WDR5: variants seen among roughly 807,000 people sequenced by gnomAD.
The protein encoded by WDR5 is WD repeat-containing protein 5.
For synonymous variants in WDR5, 144 were observed against 161.6 expected, an observed-to-expected ratio of 0.89 and a Z score of 0.83; for missense variants, 187 against 416.9, an observed-to-expected ratio of 0.45 and a Z score of 4.80.
At chr9:134,137,787 T>C (rs1010630609) in intron 1 of WDR5, among the ~76,000 whole-genome samples, 2 of 151,984 alleles carry the variant, frequency 1.3e-5, no homozygotes, top group African/African-American at 4.8e-5. Flanking sequence ...GGAGTTTCAC[T>C]GTTTGGCCCA....
At chr9:134,141,483 G>A in intron 3 of WDR5, 27 bp from the exon 4 acceptor site, 3 of 1,612,164 alleles carry the variant, frequency 1.9e-6, no homozygotes, top group Non-Finnish European at 2.5e-6. Context: ...CCTGCTCTTA[G>A]CCTCAGATCC....
At chr9:134,149,947 A>T (rs1044828348) in intron 8 of WDR5, among the ~76,000 whole-genome samples, 4 of 152,204 alleles carry the variant, frequency 2.6e-5, no homozygotes, top group African/African-American at 9.6e-5. Context: ...GTCACCGCTG[A>T]AGAGGCTGGA....
chr9:134,136,089 C>T lies in WDR5; in HGVS notation c.-170C>T, dbSNP rs1372979300. On this transcript the variant is annotated 5_prime_UTR_variant, in exon 1 of 14. Coordinates refer to ENST00000358625, the MANE Select transcript of WDR5 (RefSeq NM_017588.3). Reference sequence around the variant, plus strand: ...CTCGCGCACGCGCACTGCGCCCCCGCCGCCTGGCGCCCGCCCGAGCTGCCG... The same window carrying T: ...CTCGCGCACGCGCACTGCGCCCCCGTCGCCTGGCGCCCGCCCGAGCTGCCG... 2.7e-5 allele frequency: 4 copies of T among 149,788 alleles called. No individual in the cohort carries two copies. The highest frequency in any genetic ancestry group is 6.0e-5 in the Non-Finnish European group (4 of 67,164). The allele number at this position is 149,788 out of a possible 1,614,324, so 9.3% of individuals were successfully genotyped here.
At position 134,139,893 on chromosome 9, in the gene WDR5, A is replaced by G; in HGVS notation, c.16A>G (p.Lys6Glu). The change falls in exon 2 of 14, where the codon AAG (lysine) becomes GAG (glutamate). Residue 6 changes from lysine to glutamate, a missense_variant. Transcript: ENST00000358625. ...CGTCAGAGCCATGGCGACGGAGGAG[A>G]AGAAGCCCGAGACCGAGGCCGCCAG... MATEE[K>E]KPETEAARAQ... The G allele has an allele frequency of 5.0e-6, 8 of 1,613,312 alleles. No individual in the cohort carries two copies. Among genetic ancestry groups the G allele is most frequent in the Non-Finnish European group, 6.8e-6 (8 of 1,179,974 alleles).
At chr9:134,135,872 A>G (rs1485994605), upstream of WDR5, 2 of 151,402 alleles carry the variant, frequency 1.3e-5, no homozygotes, top group Non-Finnish European at 2.9e-5. Flanking sequence ...AGTTTTTAGG[A>G]AGTGCATTAG....
At chr9:134,154,013 G>A (rs958358533) in intron 9 of WDR5, among the ~76,000 whole-genome samples, 3 of 152,212 alleles carry the variant, frequency 2.0e-5, no homozygotes, top group African/African-American at 7.2e-5. Context: ...AGCTGTGGAT[G>A]TGACAACAAA....
chr9:134,139,890 G>GAGA lies in WDR5; in HGVS notation c.19_21dup (p.Lys7dup). On this transcript the variant is annotated inframe_insertion, in exon 2 of 14. Transcript: ENST00000358625. ...CAGCGTCAGAGCCATGGCGACGGAG[G>GAGA]AGAAGAAGCCCGAGACCGAGGCCGC... 1.2e-6 allele frequency: 2 copies of GAGA among 1,613,514 alleles called. No individual in the cohort carries two copies. Among genetic ancestry groups the GAGA allele is most frequent in the Non-Finnish European group, 1.7e-6 (2 of 1,180,006 alleles).
At chr9:134,143,813 C>A (rs2132540075) in intron 7 of WDR5, among the ~76,000 whole-genome samples, 1 of 149,632 alleles carries the variant, frequency 6.7e-6, no homozygotes, top group South Asian at 2.1e-4. Flanking sequence ...CTGCGCCCGG[C>A]CAAAACTCTG....
At chr9:134,148,068 C>T (rs1298857722) in intron 7 of WDR5, among the ~76,000 whole-genome samples, 2 of 151,870 alleles carry the variant, frequency 1.3e-5, no homozygotes, top group African/African-American at 4.8e-5. Context: ...GAGGCTGAGG[C>T]ACGAGAATTG....
intron 9 of WDR5, among the ~76,000 whole-genome samples, chr9:134,152,409 C>A (rs1458896397): frequency 6.6e-6 from 1 of 152,168 alleles, no homozygotes; most frequent in African/African-American, 2.4e-5. Context: ...TGCCCATCTG[C>A]TGGGGGTGCT....
At chr9:134,142,284 C>G (rs761419926) in intron 5 of WDR5, 49 bp from the exon 6 acceptor site, 13 of 1,573,148 alleles carry the variant, frequency 8.3e-6, no homozygotes, top group Middle Eastern at 2.1e-4. Context: ...CTGACTCTTA[C>G]GTTTGGGGAA....
chr9:134,139,327 C>T (rs569674100), intron 1 of WDR5, among the ~76,000 whole-genome samples: 6 of 152,296 alleles, frequency 3.9e-5, no homozygotes, highest in Non-Finnish European at 8.8e-5. Flanking sequence ...ACTGGGTGCC[C>T]GTGCTTGTGT....
intron 7 of WDR5, among the ~76,000 whole-genome samples, chr9:134,146,203 A>C (rs1480484772): frequency 5.4e-5 from 8 of 148,550 alleles, no homozygotes; most frequent in African/African-American, 7.5e-5. Context: ...TCCTGACCTC[A>C]TAATCCGCCC....
At chr9:134,144,131 C>A (rs940036255) in intron 7 of WDR5, among the ~76,000 whole-genome samples, 1 of 152,256 alleles carries the variant, frequency 6.6e-6, no homozygotes, top group Non-Finnish European at 1.5e-5. Context: ...ACTGCCCGGA[C>A]GGACAGTGTG....
chr9:134,148,238 C>T, intron 7 of WDR5, 50 bp from the exon 8 acceptor site: 1 of 1,163,908 alleles, frequency 8.6e-7, no homozygotes, highest in Non-Finnish European at 1.2e-6. Flanking sequence ...CAGTTGTGTC[C>T]CTGACTTGAA....
In WDR5 at chr9:134,136,165, C is replaced by T. The variant is rs957939282; in HGVS notation, c.-94C>T. On this transcript the variant is annotated 5_prime_UTR_variant, in exon 1 of 14. Coordinates refer to ENST00000358625, the MANE Select transcript of WDR5 (RefSeq NM_017588.3). ...CGCCCAGGCGGCGGCCGACGCGACG[C>T]CCCGAGCGCCCGGCCCCGCCGCCGC... 4.4e-4 allele frequency: 65 copies of T among 147,816 alleles called. No individual in the cohort carries two copies. The highest frequency in any genetic ancestry group is 7.1e-4 in the Non-Finnish European group (47 of 66,274). 9.2% of individuals were successfully genotyped at this position (147,816 alleles called of 1,614,324 possible).
At chr9:134,148,424 T>C in intron 8 of WDR5, 81 bp downstream of exon 8, 1 of 1,271,382 alleles carries the variant, frequency 7.9e-7, no homozygotes, top group Non-Finnish European at 1.1e-6. Context: ...CATCTGGGGG[T>C]ACAGCAGTGA....
At chr9:134,150,629 G>A (rs1336558706) in intron 8 of WDR5, among the ~76,000 whole-genome samples, 1 of 152,198 alleles carries the variant, frequency 6.6e-6, no homozygotes, top group Non-Finnish European at 1.5e-5. Flanking sequence ...ATGTTTGCAT[G>A]TTTTAAAATA....
chr9:134,137,864 T>TC (rs886872828), intron 1 of WDR5, among the ~76,000 whole-genome samples: 7 of 151,980 alleles, frequency 4.6e-5, no homozygotes, highest in Non-Finnish European at 2.9e-5. Context: ...TGCCTCAGCC[T>TC]CCCGAGTAGC....
Sources: gnomAD v4.1 joint callset for allele counts (sites outside exome capture counted in the v4.1 genomes callset) on GRCh38, gnomAD v4.1.1 for gene constraint, MANE v1.5 for transcripts, NCBI Gene and HGNC (gene_info 2026-07-23, HGNC 2026-07-21) for gene names.